SRRM4: variants seen among roughly 807,000 people sequenced by gnomAD.
The protein encoded by SRRM4 is serine/arginine repetitive matrix 4.
Under a neutral mutation model 68.9 loss-of-function variants are expected in SRRM4, and 33 were observed. That is an observed-to-expected ratio of 0.48 (90% CI 0.36 to 0.64). The LOEUF (loss-of-function observed/expected upper bound fraction) is 0.64. SRRM4 is among the 30% of genes least tolerant of loss of function. The probability of loss-of-function intolerance (pLI) is 0.00; values close to 1 mark genes in which losing one functional copy is unlikely to be tolerated. For synonymous variants in SRRM4, 318 were observed against 318.8 expected (o/e 1.00, Z 0.03); for missense variants, 817 against 827.1 (o/e 0.99, Z 0.15).
intron 1 of SRRM4, among the ~76,000 whole-genome samples, chr12:119,002,578 G>C (rs1953391533): frequency 6.6e-6 from 1 of 152,194 alleles, no homozygotes; most frequent in Non-Finnish European, 1.5e-5. Context: ...TTTCCCATTT[G>C]TGGGGCAAAC....
At chr12:119,092,129 A>G (rs1337516296) in intron 1 of SRRM4, among the ~76,000 whole-genome samples, 1 of 152,154 alleles carries the variant, frequency 6.6e-6, no homozygotes, top group African/African-American at 2.4e-5. Flanking sequence ...GGGCACTTCT[A>G]TTGAGCCATC....
intron 2 of SRRM4, among the ~76,000 whole-genome samples, chr12:119,113,688 T>C (rs898604021): frequency 6.6e-6 from 1 of 152,222 alleles, no homozygotes; most frequent in African/African-American, 2.4e-5. Flanking sequence ...GCCCCAATTA[T>C]AAAAGAAGAT....
intron 5 of SRRM4, 61 bp from the exon 6 acceptor site, chr12:119,122,009 T>C (rs1158475008): frequency 1.7e-5 from 19 of 1,088,826 alleles, no homozygotes; most frequent in Admixed American, 1.7e-4. Context: ...GCATTTTAAC[T>C]ACTTGTTTAT....
At chr12:119,065,483 T>A (rs1265885997) in intron 1 of SRRM4, among the ~76,000 whole-genome samples, 1 of 152,134 alleles carries the variant, frequency 6.6e-6, no homozygotes, top group Non-Finnish European at 1.5e-5. Context: ...ATGCTTGTAA[T>A]CCCAGCACTT....
intron 1 of SRRM4, among the ~76,000 whole-genome samples, chr12:119,036,090 T>C (rs1470846422): frequency 2.0e-5 from 3 of 152,230 alleles, no homozygotes; most frequent in South Asian, 4.1e-4. Context: ...AATGATATCT[T>C]TGACAAGGAG....
At chr12:119,147,169 G>A (rs1486146594) in intron 9 of SRRM4, among the ~76,000 whole-genome samples, 1 of 152,160 alleles carries the variant, frequency 6.6e-6, no homozygotes, top group African/African-American at 2.4e-5. Flanking sequence ...AAGACATGGA[G>A]GAAATGTAAA....
At chr12:119,072,463 A>G (rs1953883849) in intron 1 of SRRM4, among the ~76,000 whole-genome samples, 1 of 151,674 alleles carries the variant, frequency 6.6e-6, no homozygotes, top group African/African-American at 2.4e-5. Context: ...GGGAAGATCT[A>G]TTTTTTTCCC....
chr12:119,103,445 T>C (rs951296827), intron 2 of SRRM4, among the ~76,000 whole-genome samples: 1 of 152,172 alleles, frequency 6.6e-6, no homozygotes, highest in African/African-American at 2.4e-5. Flanking sequence ...CTTCTTTGTG[T>C]TCATAAATTC....
chr12:119,149,379 G>C (rs1954424632), intron 9 of SRRM4, among the ~76,000 whole-genome samples: 1 of 152,176 alleles, frequency 6.6e-6, no homozygotes. Flanking sequence ...GGCTTCAGAA[G>C]GTTGTTGGGA....
intron 1 of SRRM4, among the ~76,000 whole-genome samples, chr12:119,062,279 A>G (rs963738075): frequency 1.3e-5 from 2 of 152,220 alleles, no homozygotes; most frequent in African/African-American, 4.8e-5. Flanking sequence ...GCTCCTGGTG[A>G]GCCAGGGAGA....
At chr12:119,131,016 T>C (rs1954294521) in intron 8 of SRRM4, among the ~76,000 whole-genome samples, 182 bp downstream of exon 8, 1 of 152,198 alleles carries the variant, frequency 6.6e-6, no homozygotes, top group African/African-American at 2.4e-5. Flanking sequence ...CAACACTGGC[T>C]TGGGGATTTT....
Position 119,123,470 on chromosome 12 carries a change from G to C in SRRM4, c.515+1350G>C, listed in dbSNP as rs373322015. Among the ~76,000 whole-genome samples, 9 of 148,120 alleles carry C rather than the reference G, an allele frequency of 6.1e-5. No individual in the cohort carries two copies. In the East Asian group the frequency reaches 8.0e-4, roughly 13 times the overall value. ...CCCAGGGTAGGCAGCCACAGAGTCA[G>C]GGGGTAGGCCCAGACCTCAACAGCG... On this transcript the variant is annotated intron_variant, in intron 6 of 12. Transcript: ENST00000267260.
chr12:119,090,654 A>T (rs537311124), intron 1 of SRRM4, among the ~76,000 whole-genome samples: 1 of 152,298 alleles, frequency 6.6e-6, no homozygotes, highest in African/African-American at 2.4e-5. Flanking sequence ...GACCAACAGC[A>T]TCCACTGTGC....
intron 1 of SRRM4, among the ~76,000 whole-genome samples, chr12:119,066,019 C>A (rs569660811): frequency 4.6e-5 from 7 of 152,224 alleles, no homozygotes; most frequent in Admixed American, 4.6e-4. Flanking sequence ...TGAAGTCTCG[C>A]CTGACAAAGA....
chr12:119,144,343 C>A (rs1954387221), intron 8 of SRRM4, among the ~76,000 whole-genome samples: 1 of 152,166 alleles, frequency 6.6e-6, no homozygotes, highest in South Asian at 2.1e-4. Flanking sequence ...TAGGTTAGGT[C>A]CCCTTTATGA....
intron 1 of SRRM4, among the ~76,000 whole-genome samples, chr12:119,040,333 G>A (rs887390273): frequency 2.6e-5 from 4 of 152,100 alleles, no homozygotes; most frequent in Non-Finnish European, 4.4e-5. Flanking sequence ...TTTGTTGTCT[G>A]TTATCCCCTG....
chr12:119,055,292 C>A (rs1334594202), intron 1 of SRRM4, among the ~76,000 whole-genome samples: 1 of 152,160 alleles, frequency 6.6e-6, no homozygotes, highest in Non-Finnish European at 1.5e-5. Flanking sequence ...TCAGTGTCTT[C>A]AGTTGCTACA....
chr12:119,132,795 A>C (rs1303716840), intron 8 of SRRM4, among the ~76,000 whole-genome samples: 5 of 152,194 alleles, frequency 3.3e-5, no homozygotes, highest in African/African-American at 1.2e-4. Flanking sequence ...GATTACTAAG[A>C]AAGGAAACTG....
rs969283577 is a variant in SRRM4, at chr12:118,981,817, C to A, written c.-66C>A. On this transcript the variant is annotated 5_prime_UTR_variant, in exon 1 of 13. Transcript: ENST00000267260. ...AGAGCCGGGAGCTGGGTGTCGCCCC[C>A]GTTTGGAATCCACGTTTCAGCACTT... 1.9e-6 allele frequency: 3 copies of A among 1,557,142 alleles called. No individual in the cohort carries two copies. Among genetic ancestry groups the A allele is most frequent in the South Asian group, 2.4e-5 (2 of 82,046 alleles).
Sources: allele counts gnomAD v4.1 joint callset (sites outside exome capture counted in the v4.1 genomes callset), GRCh38; gene constraint gnomAD v4.1.1; transcripts MANE v1.5; gene names NCBI Gene and HGNC (gene_info 2026-07-23, HGNC 2026-07-21).